The following KCNIP4 variants were observed in gnomAD, a reference collection of about 807,000 sequenced individuals.
KCNIP4 encodes potassium voltage-gated channel interacting protein 4, also known as Kv channel-interacting protein 4.
In KCNIP4, 12 loss-of-function variants were observed where a neutral mutation model predicts 34.0. The observed-to-expected ratio is 0.35, with a 90% CI of 0.23 to 0.57. KCNIP4 has a LOEUF of 0.57. KCNIP4 is among the 20% of genes least tolerant of loss of function. The pLI is 0.83. For missense variants in KCNIP4, 238 were observed against 311.7 expected (o/e 0.76, Z 1.78); for synonymous variants, 124 against 102.2 (o/e 1.21, Z -1.29).
In KCNIP4 at chr4:21,612,496, A is replaced by T. The variant is rs188613900; in HGVS notation, c.61+336075T>A. ...GAACCCTCAAGTCATTGAATCATGG[A>T]ATTTTAAAGGAGAAGTCTGGCTTTT... On this transcript the variant is annotated intron_variant, in intron 1 of 8. Coordinates refer to ENST00000382152, the MANE Select transcript of KCNIP4 (RefSeq NM_025221.6). Among the ~76,000 whole-genome samples the T allele has an allele frequency of 3.9e-5, 6 of 152,330 alleles. No homozygotes were observed. The East Asian group carries it at 1.2e-3, about 29-fold the overall frequency.
At chr4:21,698,298 TAG>T (rs1712561914) in intron 1 of KCNIP4, among the ~76,000 whole-genome samples, 1 of 152,226 alleles carries the variant, frequency 6.6e-6, no homozygotes, top group African/African-American at 2.4e-5. Flanking sequence ...CACAGTAGCC[TAG>T]AAACCAGAAA....
chr4:21,137,243 A>G (rs1283256015), intron 1 of KCNIP4, among the ~76,000 whole-genome samples: 1 of 152,170 alleles, frequency 6.6e-6, no homozygotes, highest in Non-Finnish European at 1.5e-5. Flanking sequence ...TCCCTCTATC[A>G]CACAGAGCAA....
Position 21,351,467 on chromosome 4 carries a change from G to T in KCNIP4, c.62-468758C>A, listed in dbSNP as rs115299035. ...CTTCACCTTCCACCATGATTGTGAG[G>T]CCTCCCTAGACATGCAGAACCATGA... On this transcript the variant is annotated intron_variant, in intron 1 of 8. Coordinates refer to ENST00000382152, the MANE Select transcript of KCNIP4 (RefSeq NM_025221.6). Among the ~76,000 whole-genome samples, 777 of 152,144 alleles carry T rather than the reference G, an allele frequency of 5.1e-3. 7 individuals carry two copies. The highest frequency in any genetic ancestry group is 0.018 in the African/African-American group (738 of 41,504).
At chr4:21,357,627 T>C (rs1399446622) in intron 1 of KCNIP4, among the ~76,000 whole-genome samples, 1 of 152,152 alleles carries the variant, frequency 6.6e-6, no homozygotes, top group Non-Finnish European at 1.5e-5. Context: ...AGATACCATC[T>C]CATACCAATT....
At chr4:21,616,500 C>T (rs1285641151) in intron 1 of KCNIP4, among the ~76,000 whole-genome samples, 1 of 152,166 alleles carries the variant, frequency 6.6e-6, no homozygotes, top group Admixed American at 6.5e-5. Flanking sequence ...CTATTAGTGT[C>T]CTGGGGCTGT....
chr4:21,807,089 A>G lies in KCNIP4; in HGVS notation c.61+141482T>C, dbSNP rs114444116. Among the ~76,000 whole-genome samples the G allele has an allele frequency of 8.4e-3, 1,285 of 152,224 alleles. 14 individuals are homozygous for G. Among genetic ancestry groups the G allele is most frequent in the South Asian group, 0.028 (137 of 4,816 alleles). On this transcript the variant is annotated intron_variant, in intron 1 of 8. Transcript: ENST00000382152. ...CAGGCATTAGATTCTCATAAGGAGCATGCAACCTAGAGCCCTTCACATGCA... is the reference window on the plus strand; with the variant it reads ...CAGGCATTAGATTCTCATAAGGAGCGTGCAACCTAGAGCCCTTCACATGCA...
intron 1 of KCNIP4, among the ~76,000 whole-genome samples, chr4:21,774,012 G>C (rs1207629860): frequency 6.6e-6 from 1 of 152,012 alleles, no homozygotes; most frequent in Non-Finnish European, 1.5e-5. Flanking sequence ...CACACTAGCT[G>C]ATGCAGTTTC....
intron 2 of KCNIP4, among the ~76,000 whole-genome samples, chr4:20,868,516 C>A (rs538158303): frequency 6.6e-6 from 1 of 152,174 alleles, no homozygotes; most frequent in East Asian, 1.9e-4. Context: ...ACAAATAATT[C>A]TACCAAAAAG....
intron 1 of KCNIP4, among the ~76,000 whole-genome samples, chr4:21,315,562 G>C (rs1161014416): frequency 1.3e-5 from 2 of 152,116 alleles, no homozygotes; most frequent in Non-Finnish European, 2.9e-5. Flanking sequence ...CCTTACCTCT[G>C]CATTATTTAA....
intron 1 of KCNIP4, among the ~76,000 whole-genome samples, chr4:21,099,363 C>G (rs55957496): frequency 0.16 from 24,252 of 152,120 alleles, 2,039 homozygotes; most frequent in East Asian, 0.23. Flanking sequence ...AATGCAGGAA[C>G]AGAAAACCAA....
At chr4:21,674,534 A>G (rs916717071) in intron 1 of KCNIP4, among the ~76,000 whole-genome samples, 2 of 152,186 alleles carry the variant, frequency 1.3e-5, no homozygotes, top group Non-Finnish European at 2.9e-5. Context: ...TTTACAAGTT[A>G]TCTTAGAAAG....
chr4:21,680,870 G>C (rs1401438432), intron 1 of KCNIP4, among the ~76,000 whole-genome samples: 2 of 152,134 alleles, frequency 1.3e-5, no homozygotes, highest in African/African-American at 4.8e-5. Context: ...TTATTGAGCA[G>C]AGACAGAGTA....
rs113202616 is a variant in KCNIP4, at chr4:21,062,778, G to A, written c.62-180069C>T. On this transcript the variant is annotated intron_variant, in intron 1 of 8. Transcript: ENST00000382152. Reference sequence around the variant, plus strand: ...GCTGATGTTTCAGTTTGAATTTGAAGGCAAGAACAATTCCCCTTTACTTGA... The same window carrying A: ...GCTGATGTTTCAGTTTGAATTTGAAAGCAAGAACAATTCCCCTTTACTTGA... Among the ~76,000 whole-genome samples the A allele has an allele frequency of 4.3e-3, 650 of 152,178 alleles. 3 individuals are homozygous for A. The highest frequency in any genetic ancestry group is 0.015 in the African/African-American group (620 of 41,534).
chr4:20,861,760 A>T (rs541932886), intron 2 of KCNIP4, among the ~76,000 whole-genome samples: 1 of 152,196 alleles, frequency 6.6e-6, no homozygotes, highest in South Asian at 2.1e-4. Flanking sequence ...AATTGAATTC[A>T]ATCACTTATG....
chr4:21,357,020 A>G (rs1331102634), intron 1 of KCNIP4, among the ~76,000 whole-genome samples: 1 of 152,184 alleles, frequency 6.6e-6, no homozygotes, highest in African/African-American at 2.4e-5. Context: ...CCACACATCT[A>G]CAATCTATGA....
chr4:21,769,662 A>G (rs1244825265), intron 1 of KCNIP4, among the ~76,000 whole-genome samples: 1 of 152,118 alleles, frequency 6.6e-6, no homozygotes, highest in Non-Finnish European at 1.5e-5. Flanking sequence ...TTGATCTATG[A>G]GTCATTATCA....
chr4:21,845,581 T>A (rs1225147978), intron 1 of KCNIP4: 1 of 152,028 alleles, frequency 6.6e-6, no homozygotes, highest in Non-Finnish European at 1.5e-5. Context: ...CTTTTCTTGC[T>A]TTTTTTCTTG....
At chr4:21,052,324 A>G (rs551488999) in intron 1 of KCNIP4, among the ~76,000 whole-genome samples, 3 of 152,320 alleles carry the variant, frequency 2.0e-5, no homozygotes, top group African/African-American at 7.2e-5. Flanking sequence ...ACATATGACC[A>G]AAATGACAAA....
chr4:20,912,838 T>C (rs184205103), intron 1 of KCNIP4, among the ~76,000 whole-genome samples: 2 of 152,294 alleles, frequency 1.3e-5, no homozygotes, highest in Admixed American at 1.3e-4. Flanking sequence ...GAGACCATTT[T>C]ATACTCATGG....
Sources: allele counts gnomAD v4.1 joint callset (sites outside exome capture counted in the v4.1 genomes callset), GRCh38; gene constraint gnomAD v4.1.1; transcripts MANE v1.5; gene names NCBI Gene and HGNC (gene_info 2026-07-23, HGNC 2026-07-21).